The following DRC9 variants were observed in gnomAD, a reference collection of about 807,000 sequenced individuals.
DRC9 encodes the protein dynein regulatory complex protein 9.
At chr3:197,932,952 A>AT in the DRC9 span, among the ~76,000 whole-genome samples, 285 of 110,618 alleles carry the variant, frequency 2.6e-3, no homozygotes, top group African/African-American at 0.014. Flanking sequence ...AATATATATT[A>AT]TATATTATTA....
At chr3:197,893,863 G>A in the DRC9 span, among the ~76,000 whole-genome samples, 12 of 151,762 alleles carry the variant, frequency 7.9e-5, no homozygotes, top group Non-Finnish European at 7.4e-5. Context: ...AAAAGAAAAA[G>A]AAAGAAAAGC....
At chr3:197,933,466 C>A in the DRC9 span, among the ~76,000 whole-genome samples, 2 of 151,868 alleles carry the variant, frequency 1.3e-5, no homozygotes, top group South Asian at 2.1e-4. Flanking sequence ...AACAAAAAAA[C>A]CGCAAAAGTT....
At chr3:197,920,807 A>G in the DRC9 span, among the ~76,000 whole-genome samples, 1 of 151,858 alleles carries the variant, frequency 6.6e-6, no homozygotes, top group Non-Finnish European at 1.5e-5. Flanking sequence ...CTTGCTTTGG[A>G]TGTTGATGTT....
the DRC9 span, among the ~76,000 whole-genome samples, chr3:197,920,709 T>C: frequency 6.6e-6 from 1 of 152,232 alleles, no homozygotes; most frequent in Non-Finnish European, 1.5e-5. Flanking sequence ...TCTAAATCTG[T>C]TGCTGATGTA....
chr3:197,958,437 G>C, the DRC9 span: 1 of 152,206 alleles, frequency 6.6e-6, no homozygotes, highest in South Asian at 2.1e-4. Flanking sequence ...GGCTTTGGGG[G>C]CTGGATGGAT....
the DRC9 span, among the ~76,000 whole-genome samples, chr3:197,921,278 G>T: frequency 1.2e-5 from 1 of 83,660 alleles, no homozygotes; most frequent in Non-Finnish European, 2.2e-5. Context: ...ACCTGATTTC[G>T]TCTTGGTCGA....
the DRC9 span, chr3:197,913,695 T>A: frequency 1.4e-6 from 1 of 693,264 alleles, no homozygotes; most frequent in Non-Finnish European, 2.6e-6. Context: ...TACAGCCCAC[T>A]GGAATCTCTG....
the DRC9 span, chr3:197,950,079 T>G: frequency 5.0e-6 from 6 of 1,198,370 alleles, no homozygotes; most frequent in Admixed American, 8.4e-5. Context: ...CTTATTTCAG[T>G]GCGAAGCCGA....
chr3:197,909,099 C>A, the DRC9 span, among the ~76,000 whole-genome samples: 2,207 of 152,292 alleles, frequency 0.014, 56 homozygotes, highest in African/African-American at 0.05. Flanking sequence ...GTTCTCATTC[C>A]AAGTTTCAGG....
At chr3:197,945,624 C>T in the DRC9 span, 2 of 1,583,434 alleles carry the variant, frequency 1.3e-6, no homozygotes, top group Non-Finnish European at 1.7e-6. Flanking sequence ...ACATACTCTT[C>T]CATTCTTCTG....
the DRC9 span, among the ~76,000 whole-genome samples, chr3:197,895,819 A>C: frequency 6.6e-6 from 1 of 151,632 alleles, no homozygotes; most frequent in African/African-American, 2.4e-5. Flanking sequence ...TACAAAACAT[A>C]GGAAAATTAG....
At chr3:197,912,635 A>C in the DRC9 span, 1 of 1,277,008 alleles carries the variant, frequency 7.8e-7, no homozygotes, top group East Asian at 2.4e-5. Context: ...AGCAGAGTAC[A>C]AAAAAAAAGT....
chr3:197,938,917 A>G, the DRC9 span: 1 of 678,826 alleles, frequency 1.5e-6, no homozygotes, highest in Non-Finnish European at 2.5e-6. Context: ...CCCTTTCTTC[A>G]GCCACACCAA....
the DRC9 span, chr3:197,932,310 G>A: frequency 2.5e-5 from 40 of 1,607,240 alleles, no homozygotes; most frequent in Non-Finnish European, 3.3e-5. Context: ...TGCCTGTAAG[G>A]AGAAACAGAC....
chr3:197,952,809 C>A, the DRC9 span, among the ~76,000 whole-genome samples: 2 of 151,832 alleles, frequency 1.3e-5, no homozygotes, highest in South Asian at 4.2e-4. Context: ...AGTTTTTATG[C>A]ATGCCTAAAG....
the DRC9 span, among the ~76,000 whole-genome samples, chr3:197,928,341 CTTTTTTTT>C: frequency 7.7e-6 from 1 of 130,638 alleles, no homozygotes; most frequent in African/African-American, 3.0e-5. Flanking sequence ...TCTGTTCCCT[CTTTTTTTT>C]TTTTTTTTTG....
chr3:197,916,954 C>G, the DRC9 span, among the ~76,000 whole-genome samples: 1 of 152,114 alleles, frequency 6.6e-6, no homozygotes, highest in Non-Finnish European at 1.5e-5. Flanking sequence ...GTGTTGGGCC[C>G]CAGTCAAAGC....
chr3:197,918,181 G>A, the DRC9 span, among the ~76,000 whole-genome samples: 6 of 141,912 alleles, frequency 4.2e-5, no homozygotes, highest in Admixed American at 7.4e-5. Context: ...TGCAATCTCC[G>A]CCTCCCACCT....
chr3:197,947,319 G>GA, the DRC9 span, among the ~76,000 whole-genome samples: 1 of 152,218 alleles, frequency 6.6e-6, no homozygotes, highest in East Asian at 1.9e-4. Context: ...TTTTAAAATG[G>GA]AAAATCTCAT....
Sources: allele counts gnomAD v4.1 joint callset (sites outside exome capture counted in the v4.1 genomes callset), GRCh38; gene constraint gnomAD v4.1.1; transcripts MANE v1.5; gene names NCBI Gene and HGNC (gene_info 2026-07-23, HGNC 2026-07-21).